Variants in PIWIL2 observed in about 807,000 individuals in gnomAD.
PIWIL2 encodes the protein piwi-like protein 2.
A neutral mutation model predicts 116.5 loss-of-function variants in PIWIL2; 81 were observed. The ratio of observed to expected loss-of-function variants is 0.70; its 90% CI spans 0.58 to 0.84. The LOEUF (loss-of-function observed/expected upper bound fraction) is 0.84. PIWIL2 is among the 40% of genes least tolerant of loss of function. PIWIL2 has a pLI of 0.00. For missense variants in PIWIL2, 1,272 were observed against 1,212.3 expected (o/e 1.05, Z -0.73); for synonymous variants, 489 against 429.5 (o/e 1.14, Z -1.71).
intron 2 of PIWIL2, among the ~76,000 whole-genome samples, chr8:22,279,927 A>G (rs1830462515): frequency 6.6e-6 from 1 of 152,240 alleles, no homozygotes; most frequent in Non-Finnish European, 1.5e-5. Flanking sequence ...AGTGCACTCC[A>G]GCCTGGGCAA....
chr8:22,299,460 G>A (rs1346950911), intron 10 of PIWIL2, among the ~76,000 whole-genome samples: 2 of 151,956 alleles, frequency 1.3e-5, no homozygotes, highest in Non-Finnish European at 2.9e-5. Context: ...CACGCACCTC[G>A]GCTTCCCAAA....
At chr8:22,349,446 A>AAT (rs1270912704) in intron 20 of PIWIL2, among the ~76,000 whole-genome samples, 1 of 116,682 alleles carries the variant, frequency 8.6e-6, no homozygotes, top group African/African-American at 3.1e-5. Context: ...TATATATATA[A>AAT]ATTTTACTTT....
At chr8:22,276,925 C>T (rs1450994961) in intron 1 of PIWIL2, among the ~76,000 whole-genome samples, 1 of 151,694 alleles carries the variant, frequency 6.6e-6, no homozygotes, top group African/African-American at 2.4e-5. Flanking sequence ...AATTCTTTTC[C>T]GTTAAGAAAT....
rs1414974330 is a variant in PIWIL2 at position 22,352,945 on chromosome 8, CG to C, written c.2404-13del. On this transcript the variant is annotated splice_polypyrimidine_tract_variant and intron_variant, in intron 20 of 22. Transcript: ENST00000356766. Reference sequence around the variant, plus strand: ...AGGGCTCTGTGAGTCACCACATCCTCGCTGTCATTTCAGGTGAACCACTGTC... The same window carrying C: ...AGGGCTCTGTGAGTCACCACATCCTCCTGTCATTTCAGGTGAACCACTGTC... The C allele has an allele frequency of 1.2e-6, 2 of 1,602,730 alleles. No individual in the cohort carries two copies. The highest frequency in any genetic ancestry group is 1.7e-6 in the Non-Finnish European group (2 of 1,172,664).
intron 20 of PIWIL2, among the ~76,000 whole-genome samples, chr8:22,340,306 C>T (rs1192020531): frequency 6.6e-6 from 1 of 152,070 alleles, no homozygotes; most frequent in Non-Finnish European, 1.5e-5. Flanking sequence ...ATCTGCCTGC[C>T]TCGGCCTCCC....
At chr8:22,326,663 A>G (rs1831732255) in intron 20 of PIWIL2, among the ~76,000 whole-genome samples, 1 of 152,196 alleles carries the variant, frequency 6.6e-6, no homozygotes, top group Non-Finnish European at 1.5e-5. Flanking sequence ...GTTGTAGCAT[A>G]TATTAATACT....
chr8:22,303,329 A>G (rs189819302), intron 10 of PIWIL2, among the ~76,000 whole-genome samples: 4 of 152,336 alleles, frequency 2.6e-5, no homozygotes, highest in African/African-American at 7.2e-5. Flanking sequence ...ATGAGACTCT[A>G]TGTCCACATT....
intron 13 of PIWIL2, among the ~76,000 whole-genome samples, chr8:22,307,630 C>A (rs547463536): frequency 1.2e-4 from 18 of 151,704 alleles, no homozygotes; most frequent in African/African-American, 1.7e-4. Flanking sequence ...GTACAGGGCA[C>A]GCACCACCAT....
chr8:22,353,699 C>T (rs1563438448), intron 21 of PIWIL2, among the ~76,000 whole-genome samples: 1 of 144,764 alleles, frequency 6.9e-6, no homozygotes, highest in South Asian at 2.3e-4. Flanking sequence ...AAAAGTTGAA[C>T]ATACCTTGTT....
intron 2 of PIWIL2, 126 bp downstream of exon 2, chr8:22,279,710 TGGGA>T: frequency 1.2e-6 from 1 of 840,048 alleles, no homozygotes; most frequent in Non-Finnish European, 1.9e-6. Context: ...CCCAGCACTT[TGGGA>T]GGCCGAGGCA....
In PIWIL2 at chr8:22,308,897, T is replaced by C. The variant is rs1046769771; in HGVS notation, c.1686+824T>C. ...AGCTCCTGACCTCAAATGATCCGCCTACCTTAGCCTCCCAAAGTGTTAGGA... is the reference window on the plus strand; with the variant it reads ...AGCTCCTGACCTCAAATGATCCGCCCACCTTAGCCTCCCAAAGTGTTAGGA... On this transcript the variant is annotated intron_variant, in intron 14 of 22. Transcript: ENST00000356766. 2.6e-4 allele frequency among the ~76,000 whole-genome samples: 39 copies of C among 152,194 alleles called. 1 individual carries two copies. The highest frequency in any genetic ancestry group is 8.9e-4 in the African/African-American group (37 of 41,542).
chr8:22,277,034 T>TATA (rs373195650), intron 1 of PIWIL2, among the ~76,000 whole-genome samples: 3 of 114,470 alleles, frequency 2.6e-5, no homozygotes, highest in East Asian at 2.4e-4. Context: ...TATATATATA[T>TATA]TTTTTTTTTT....
intron 10 of PIWIL2, among the ~76,000 whole-genome samples, chr8:22,299,958 G>A (rs1831006779): frequency 6.6e-6 from 1 of 151,422 alleles, no homozygotes; most frequent in Non-Finnish European, 1.5e-5. Context: ...TTGGGTGGGG[G>A]GAACAGAATC....
chr8:22,313,106 T>C (rs1387395144), intron 16 of PIWIL2, among the ~76,000 whole-genome samples: 1 of 152,196 alleles, frequency 6.6e-6, no homozygotes, highest in Admixed American at 6.5e-5. Flanking sequence ...TTTGAGAGGG[T>C]ACAACTGACA....
chr8:22,355,429 A>G lies in PIWIL2; in HGVS notation c.2846A>G (p.Lys949Arg), dbSNP rs916718577. The G allele has an allele frequency of 1.9e-6, 3 of 1,614,168 alleles. No individual in the cohort carries two copies. Among genetic ancestry groups the G allele is most frequent in the Non-Finnish European group, 2.5e-6 (3 of 1,180,016 alleles). The change falls in exon 23 of 23, where the codon AAG becomes AGG. Residue 949 changes from lysine to arginine, a missense_variant. By Grantham distance (26) the Lys-to-Arg change is conservative. Coordinates refer to ENST00000356766, the MANE Select transcript of PIWIL2 (RefSeq NM_018068.5). ...RVPAPCKYAH[K>R]LAFLSGHILH... ...CCAGCTCCTTGCAAGTATGCCCACAAGCTAGCTTTCCTGTCAGGACACATC... is the reference window on the plus strand; with the variant it reads ...CCAGCTCCTTGCAAGTATGCCCACAGGCTAGCTTTCCTGTCAGGACACATC...
chr8:22,288,963 G>A (rs961694709), intron 8 of PIWIL2, among the ~76,000 whole-genome samples: 2 of 152,188 alleles, frequency 1.3e-5, no homozygotes, highest in Middle Eastern at 3.4e-3. Context: ...TAATGGTGAC[G>A]GTAACAAGGG....
intron 20 of PIWIL2, among the ~76,000 whole-genome samples, chr8:22,320,562 C>T (rs1232166146): frequency 2.6e-5 from 4 of 151,714 alleles, no homozygotes; most frequent in African/African-American, 9.7e-5. Flanking sequence ...TAGGTGTGAG[C>T]CACCATGTCT....
chr8:22,312,643 C>T (rs1831361314), intron 16 of PIWIL2, among the ~76,000 whole-genome samples: 1 of 152,086 alleles, frequency 6.6e-6, no homozygotes, highest in African/African-American at 2.4e-5. Flanking sequence ...GTGTGTTTCT[C>T]TCTCTCTTTT....
At chr8:22,328,642 T>C (rs142664752) in intron 20 of PIWIL2, among the ~76,000 whole-genome samples, 168 of 152,288 alleles carry the variant, frequency 1.1e-3, no homozygotes, top group African/African-American at 3.9e-3. Flanking sequence ...TATAAGTCTT[T>C]ACCTGTTTGG....
Sources: gnomAD v4.1 joint callset for allele counts (sites outside exome capture counted in the v4.1 genomes callset) on GRCh38, gnomAD v4.1.1 for gene constraint, MANE v1.5 for transcripts, NCBI Gene and HGNC (gene_info 2026-07-23, HGNC 2026-07-21) for gene names.